GABRB1: variants seen among roughly 807,000 people sequenced by gnomAD.
GABRB1 encodes the protein gamma-aminobutyric acid receptor subunit beta-1.
In GABRB1, 17 loss-of-function variants were observed where a neutral mutation model predicts 51.6. The observed-to-expected ratio is 0.33, with a 90% confidence interval of 0.23 to 0.49. GABRB1 has a LOEUF of 0.49. Ranked by LOEUF, GABRB1 falls within the 20% of genes least tolerant of loss-of-function variation. GABRB1 has a pLI of 0.99. For missense variants in GABRB1, 410 were observed against 600.6 expected (o/e 0.68, Z 3.32); for synonymous variants, 247 against 218.9 (o/e 1.13, Z -1.14).
chr4:47,383,369 C>T (rs973207302), intron 5 of GABRB1, among the ~76,000 whole-genome samples: 2 of 152,122 alleles, frequency 1.3e-5, no homozygotes, highest in Non-Finnish European at 2.9e-5. Flanking sequence ...GGGACCACAA[C>T]TTTGCATCCA....
At chr4:47,205,817 C>G (rs927154006) in intron 4 of GABRB1, among the ~76,000 whole-genome samples, 4 of 151,972 alleles carry the variant, frequency 2.6e-5, no homozygotes, top group African/African-American at 4.8e-5. Flanking sequence ...TGAACAGAAC[C>G]CATTTTAAGA....
chr4:47,302,547 GTTTT>G (rs1429551448), intron 4 of GABRB1, among the ~76,000 whole-genome samples: 1 of 151,834 alleles, frequency 6.6e-6, no homozygotes, highest in African/African-American at 2.4e-5. Flanking sequence ...TGTGACTCAT[GTTTT>G]TAAACCCAAA....
At chr4:47,033,169 C>A (rs1205023168) in intron 3 of GABRB1, among the ~76,000 whole-genome samples, 2 of 152,326 alleles carry the variant, frequency 1.3e-5, no homozygotes, top group East Asian at 3.9e-4. Flanking sequence ...CTTCACCTTA[C>A]TCTAGAAACC....
At chr4:47,222,740 G>T (rs1025798375) in intron 4 of GABRB1, among the ~76,000 whole-genome samples, 21 of 152,066 alleles carry the variant, frequency 1.4e-4, no homozygotes, top group African/African-American at 4.6e-4. Context: ...CAAAACAGTT[G>T]TCTTAAGCCA....
intron 3 of GABRB1, among the ~76,000 whole-genome samples, chr4:47,142,955 A>G (rs1311565476): frequency 1.3e-5 from 2 of 151,942 alleles, no homozygotes; most frequent in Admixed American, 1.3e-4. Context: ...TTATTTCTGC[A>G]ATCATATTCA....
chr4:47,039,695 A>C (rs1324427255), intron 3 of GABRB1, among the ~76,000 whole-genome samples: 3 of 152,150 alleles, frequency 2.0e-5, no homozygotes, highest in Non-Finnish European at 4.4e-5. Flanking sequence ...AATTGTGTAG[A>C]AGTTCTTCTC....
chr4:47,032,808 C>T (rs2109470836), intron 3 of GABRB1: 1 of 531,552 alleles, frequency 1.9e-6, no homozygotes, highest in East Asian at 4.7e-5. Flanking sequence ...GAGGAGGGCA[C>T]CATCTGCTGG....
At chr4:47,011,031 C>T (rs561147842) in intron 1 of GABRB1, among the ~76,000 whole-genome samples, 1 of 151,788 alleles carries the variant, frequency 6.6e-6, no homozygotes, top group South Asian at 2.1e-4. Context: ...AGTGTTAAAA[C>T]ATTAGAGAGT....
chr4:47,298,692 C>T (rs1724115294), intron 4 of GABRB1, among the ~76,000 whole-genome samples: 2 of 152,246 alleles, frequency 1.3e-5, no homozygotes, highest in East Asian at 3.9e-4. Context: ...CAATGCCATC[C>T]CCATTAAGCT....
intron 1 of GABRB1, among the ~76,000 whole-genome samples, chr4:46,997,141 T>C (rs1724023950): frequency 6.6e-6 from 1 of 152,170 alleles, no homozygotes; most frequent in Non-Finnish European, 1.5e-5. Flanking sequence ...ATTACCTGTA[T>C]ACCAGCCTAC....
At chr4:47,007,141 A>AT (rs900777643) in intron 1 of GABRB1, among the ~76,000 whole-genome samples, 4 of 80,796 alleles carry the variant, frequency 5.0e-5, no homozygotes, top group Admixed American at 1.1e-4. Context: ...CCCTGTTTGG[A>AT]TAAAAAAAAA....
chr4:47,169,939 T>C (rs941037050), intron 4 of GABRB1, among the ~76,000 whole-genome samples: 2 of 152,194 alleles, frequency 1.3e-5, no homozygotes. Flanking sequence ...CTCACCATTA[T>C]AGAAATGAAA....
At chr4:47,112,948 A>T (rs1162664426) in intron 3 of GABRB1, among the ~76,000 whole-genome samples, 1 of 152,182 alleles carries the variant, frequency 6.6e-6, no homozygotes, top group African/African-American at 2.4e-5. Flanking sequence ...GCCTTTCTTT[A>T]GCCATTCCTG....
At chr4:47,137,506 T>G (rs1352735067) in intron 3 of GABRB1, among the ~76,000 whole-genome samples, 1 of 152,148 alleles carries the variant, frequency 6.6e-6, no homozygotes, top group East Asian at 1.9e-4. Flanking sequence ...CAGATGTTCA[T>G]GTCCTGTTTA....
chr4:47,419,647 T>C (rs746934259), intron 8 of GABRB1, among the ~76,000 whole-genome samples: 8 of 152,184 alleles, frequency 5.3e-5, no homozygotes, highest in Non-Finnish European at 1.0e-4. Flanking sequence ...TGATGTTCTA[T>C]TGCTTATGGA....
At chr4:47,407,789 AT>A (rs1234104146) in intron 8 of GABRB1, among the ~76,000 whole-genome samples, 1 of 152,186 alleles carries the variant, frequency 6.6e-6, no homozygotes, top group Non-Finnish European at 1.5e-5. Context: ...CAAAAGGATA[AT>A]TTTAGTTACT....
chr4:47,061,588 T>C (rs994144586), intron 3 of GABRB1, among the ~76,000 whole-genome samples: 16 of 152,182 alleles, frequency 1.1e-4, no homozygotes, highest in Non-Finnish European at 2.1e-4. Context: ...GTTAACAATG[T>C]TTTAAGGAAT....
At chr4:47,358,525 A>G (rs1332637597) in intron 5 of GABRB1, among the ~76,000 whole-genome samples, 1 of 152,088 alleles carries the variant, frequency 6.6e-6, no homozygotes, top group Non-Finnish European at 1.5e-5. Context: ...GACCCAGGGA[A>G]GAGTTGCTGT....
intron 3 of GABRB1, among the ~76,000 whole-genome samples, chr4:47,061,129 G>A (rs1053335068): frequency 2.6e-5 from 4 of 152,170 alleles, no homozygotes; most frequent in Non-Finnish European, 4.4e-5. Context: ...GCTTTGACAT[G>A]TGATTTAAAT....
Sources: allele counts gnomAD v4.1 joint callset (sites outside exome capture counted in the v4.1 genomes callset), GRCh38; gene constraint gnomAD v4.1.1; transcripts MANE v1.5; gene names NCBI Gene and HGNC (gene_info 2026-07-23, HGNC 2026-07-21).